The following ZNF385D variants were observed in gnomAD, a reference collection of about 807,000 sequenced individuals.
The protein encoded by ZNF385D is zinc finger protein 385D.
ZNF385D carries 15 observed loss-of-function variants against 35.8 expected under a neutral mutation model. The observed-to-expected ratio is 0.42, with a 90% CI of 0.28 to 0.64. The LOEUF is 0.64. Among genes scored for constraint, ZNF385D ranks in the 30% least tolerant of loss-of-function variants. The pLI, the probability that ZNF385D is intolerant of heterozygous loss-of-function variation, is 0.23. For missense variants in ZNF385D, 474 were observed against 494.6 expected, an observed-to-expected ratio of 0.96 and a Z score of 0.39; for synonymous variants, 212 against 186.8, an observed-to-expected ratio of 1.13 and a Z score of -1.10.
intron 3 of ZNF385D, among the ~76,000 whole-genome samples, chr3:21,877,512 T>C (rs1282103460): frequency 6.6e-6 from 1 of 152,106 alleles, no homozygotes; most frequent in Non-Finnish European, 1.5e-5. Context: ...ACCTGACCTT[T>C]CCATATAAAT....
At chr3:21,434,224 C>T (rs1701441319) in intron 5 of ZNF385D, among the ~76,000 whole-genome samples, 1 of 152,116 alleles carries the variant, frequency 6.6e-6, no homozygotes, top group Non-Finnish European at 1.5e-5. Flanking sequence ...CTAAATCATG[C>T]ATTCCGTTTG....
Position 22,363,319 on chromosome 3 carries a change from G to A in ZNF385D, c.106+9131C>T, listed in dbSNP as rs564207978. ...AATTTGTCAGAATACGTGAGCTCAA[G>A]CTCACTGACCCGCACCCACTGTCAA... is the stretch of plus-strand genomic sequence containing the variant. On this transcript the variant is annotated intron_variant, in intron 2 of 5. Transcript: ENST00000494108. Among the ~76,000 whole-genome samples the A allele has an allele frequency of 7.9e-5, 12 of 152,282 alleles. 1 individual carries two copies. In the South Asian group the frequency reaches 2.1e-3, roughly 26 times the overall value.
intron 2 of ZNF385D, among the ~76,000 whole-genome samples, chr3:22,250,289 T>A (rs1195086100): frequency 6.6e-6 from 1 of 152,258 alleles, no homozygotes; most frequent in East Asian, 1.9e-4. Flanking sequence ...AAAAGTCTTT[T>A]TATTTATTTT....
chr3:21,608,203 G>C (rs2064554314), intron 2 of ZNF385D, among the ~76,000 whole-genome samples: 1 of 151,704 alleles, frequency 6.6e-6, no homozygotes, highest in African/African-American at 2.4e-5. Flanking sequence ...TAGAGATGGA[G>C]TTTCACCATG....
At chr3:21,930,222 G>A (rs1041905458) in intron 3 of ZNF385D, among the ~76,000 whole-genome samples, 1 of 148,684 alleles carries the variant, frequency 6.7e-6, no homozygotes, top group East Asian at 2.0e-4. Flanking sequence ...AATGATGCTT[G>A]AACTATAGGG....
chr3:22,318,967 T>C (rs190494813), intron 2 of ZNF385D, among the ~76,000 whole-genome samples: 93 of 152,332 alleles, frequency 6.1e-4, no homozygotes, highest in African/African-American at 2.2e-3. Flanking sequence ...TACTTTGCTT[T>C]TTAAAGCTGT....
intron 3 of ZNF385D, among the ~76,000 whole-genome samples, chr3:22,090,338 A>C (rs945131468): frequency 3.9e-5 from 6 of 152,154 alleles, no homozygotes; most frequent in Admixed American, 3.9e-4. Flanking sequence ...GTGACATCAC[A>C]ATTAATTAAT....
intron 2 of ZNF385D, among the ~76,000 whole-genome samples, chr3:22,200,238 C>A (rs976683051): frequency 6.6e-5 from 10 of 152,036 alleles, no homozygotes; most frequent in African/African-American, 2.4e-4. Flanking sequence ...GGGGAACATG[C>A]CCCGATAGTC....
intron 3 of ZNF385D, among the ~76,000 whole-genome samples, chr3:22,029,556 C>T (rs73137164): frequency 0.015 from 2,322 of 152,240 alleles, 49 homozygotes; most frequent in African/African-American, 0.052. Flanking sequence ...GCTATGGAAA[C>T]GAGGACTGTT....
chr3:22,321,811 T>G (rs950328171), intron 2 of ZNF385D, among the ~76,000 whole-genome samples: 4 of 152,208 alleles, frequency 2.6e-5, no homozygotes, highest in African/African-American at 9.6e-5. Context: ...ATTCTTTTCC[T>G]TACTAAATAG....
chr3:21,925,352 C>G (rs259520), intron 3 of ZNF385D, among the ~76,000 whole-genome samples: 28,380 of 152,116 alleles, frequency 0.19, 3,407 homozygotes, highest in East Asian at 0.38. Flanking sequence ...CATGCCTAAC[C>G]AATTTTTAAC....
At chr3:22,328,724 T>C (rs1694789265) in intron 2 of ZNF385D, among the ~76,000 whole-genome samples, 1 of 149,610 alleles carries the variant, frequency 6.7e-6, no homozygotes, top group South Asian at 2.1e-4. Context: ...ATTGCACCAC[T>C]GCACTCAAGC....
chr3:21,552,571 T>G (rs2062605374), intron 3 of ZNF385D, among the ~76,000 whole-genome samples: 1 of 152,212 alleles, frequency 6.6e-6, no homozygotes, highest in South Asian at 2.1e-4. Flanking sequence ...AACTACAGTG[T>G]TTAAAATTTG....
At chr3:22,368,979 T>C (rs1696782656) in intron 2 of ZNF385D, among the ~76,000 whole-genome samples, 1 of 152,188 alleles carries the variant, frequency 6.6e-6, no homozygotes, top group African/African-American at 2.4e-5. Context: ...TTTGGGTGTG[T>C]AATCTACAGA....
chr3:21,667,927 A>G (rs80334937), intron 1 of ZNF385D, among the ~76,000 whole-genome samples: 2,767 of 152,322 alleles, frequency 0.018, 59 homozygotes, highest in Non-Finnish European at 0.021. Context: ...AGGGGTTAAA[A>G]AAACCTTCAA....
chr3:21,826,620 G>C (rs1458160719), intron 3 of ZNF385D, among the ~76,000 whole-genome samples: 1 of 152,192 alleles, frequency 6.6e-6, no homozygotes, highest in East Asian at 1.9e-4. Flanking sequence ...GCAAGGATGT[G>C]GTCAGAGACA....
intron 3 of ZNF385D, among the ~76,000 whole-genome samples, chr3:21,973,157 A>C (rs1378414494): frequency 1.3e-5 from 2 of 152,004 alleles, no homozygotes; most frequent in African/African-American, 2.4e-5. Flanking sequence ...CACTGACGCG[A>C]ATTTCCTCAA....
At chr3:22,179,817 G>C (rs1375150152) in intron 2 of ZNF385D, among the ~76,000 whole-genome samples, 1 of 152,138 alleles carries the variant, frequency 6.6e-6, no homozygotes, top group African/African-American at 2.4e-5. Context: ...AGCACTAAAT[G>C]CCCACAAGAG....
chr3:22,007,351 T>C (rs952292955), intron 3 of ZNF385D, among the ~76,000 whole-genome samples: 2 of 152,226 alleles, frequency 1.3e-5, no homozygotes, highest in Non-Finnish European at 2.9e-5. Flanking sequence ...GGAATAACAG[T>C]CTTGCGTAAG....
Sources: allele counts gnomAD v4.1 joint callset (sites outside exome capture counted in the v4.1 genomes callset), GRCh38; gene constraint gnomAD v4.1.1; transcripts MANE v1.5; gene names NCBI Gene and HGNC (gene_info 2026-07-23, HGNC 2026-07-21).